RAI14: variants seen among roughly 807,000 people sequenced by gnomAD.
RAI14 encodes ankycorbin.
In RAI14, 45 loss-of-function variants were observed where a neutral mutation model predicts 115.4. That is an observed-to-expected ratio of 0.39 (90% CI 0.31 to 0.50). The LOEUF is 0.50. Ranked by LOEUF, RAI14 falls within the 20% of genes least tolerant of loss-of-function variation. The pLI is 0.85. For synonymous variants in RAI14, 371 were observed against 415.4 expected, an observed-to-expected ratio of 0.89 and a Z score of 1.30; for missense variants, 939 against 1,131.2, an observed-to-expected ratio of 0.83 and a Z score of 2.44.
intron 2 of RAI14, among the ~76,000 whole-genome samples, chr5:34,752,968 C>T (rs192875866): frequency 2.6e-5 from 4 of 151,792 alleles, no homozygotes; most frequent in Non-Finnish European, 5.9e-5. Context: ...GATACACATA[C>T]ATGTAATAAA....
intron 2 of RAI14, among the ~76,000 whole-genome samples, chr5:34,708,866 G>A (rs1741051909): frequency 6.6e-6 from 1 of 152,148 alleles, no homozygotes; most frequent in South Asian, 2.1e-4. Context: ...GAACTGGGCA[G>A]CCATGGTGGC....
At chr5:34,698,707 G>C (rs889256856) in intron 2 of RAI14, among the ~76,000 whole-genome samples, 5 of 152,208 alleles carry the variant, frequency 3.3e-5, no homozygotes, top group Non-Finnish European at 5.9e-5. Flanking sequence ...AGTGTGATGG[G>C]AGGTATGGGC....
rs568554827 is a variant in RAI14, at chr5:34,807,930, A to G, written c.379+73A>G. 14 of 1,156,378 alleles carry G rather than the reference A, an allele frequency of 1.2e-5. No homozygotes were observed. The South Asian group carries it at 1.2e-4, about 10-fold the overall frequency. 71.6% of individuals were successfully genotyped at this position (1,156,378 alleles called of 1,614,324 possible). On this transcript the variant is annotated intron_variant, in intron 6 of 17. Transcript: ENST00000265109. ...ACTTTTCTTTTTCCTTATTCAGGCC[A>G]TTAACCTTCCATACTATTCCTGGTG...
chr5:34,687,920 G>A (rs1364624636), intron 2 of RAI14: 6 of 921,972 alleles, frequency 6.5e-6, no homozygotes, highest in Non-Finnish European at 9.7e-6. Flanking sequence ...CTTATCTCCT[G>A]AGGCTGCATC....
chr5:34,774,930 A>G (rs1156244637), intron 3 of RAI14, among the ~76,000 whole-genome samples: 2 of 152,284 alleles, frequency 1.3e-5, no homozygotes, highest in South Asian at 2.1e-4. Flanking sequence ...ACACAGACCA[A>G]TAGAGCGGAA....
chr5:34,824,617 A>G, intron 15 of RAI14, 126 bp downstream of exon 15: 1 of 764,358 alleles, frequency 1.3e-6, no homozygotes, highest in Non-Finnish European at 2.0e-6. Flanking sequence ...CTGCACATGA[A>G]CTTTATCTGT....
At chr5:34,661,674 G>A (rs772483010) in intron 1 of RAI14, among the ~76,000 whole-genome samples, 3 of 151,912 alleles carry the variant, frequency 2.0e-5, no homozygotes, top group Admixed American at 6.6e-5. Flanking sequence ...TAAGTAACAC[G>A]GTGCTTGGAA....
At position 34,660,928 on chromosome 5, in the gene RAI14, G is replaced by A. The variant is rs150160648; in HGVS notation, c.-49+4453G>A. Among the ~76,000 whole-genome samples the A allele has an allele frequency of 9.9e-5, 15 of 152,130 alleles. No individual in the cohort carries two copies. In the East Asian group the frequency reaches 1.5e-3, roughly 16 times the overall value. ...TACCTGGAAAGCACTTCTCTTAGAC[G>A]TCTACATGGCTGTGTCATCCCTTCA... On this transcript the variant is annotated intron_variant, in intron 1 of 17. Coordinates refer to ENST00000265109, the MANE Select transcript of RAI14 (RefSeq NM_015577.3).
intron 2 of RAI14, among the ~76,000 whole-genome samples, chr5:34,697,300 G>A (rs980350040): frequency 1.3e-5 from 2 of 151,944 alleles, no homozygotes; most frequent in South Asian, 2.1e-4. Flanking sequence ...GCTGGGTGTG[G>A]TGGTACATAA....
chr5:34,690,761 A>G (rs942410785), intron 2 of RAI14, among the ~76,000 whole-genome samples: 1 of 107,782 alleles, frequency 9.3e-6, no homozygotes, highest in Non-Finnish European at 2.3e-5. Flanking sequence ...AAACAGCATT[A>G]TGGAATTTCT....
chr5:34,746,295 C>T (rs1333523864), intron 2 of RAI14, among the ~76,000 whole-genome samples: 4 of 151,162 alleles, frequency 2.6e-5, no homozygotes, highest in Non-Finnish European at 4.4e-5. Flanking sequence ...TTAGTAGAGA[C>T]GGGGTTTCAC....
chr5:34,772,847 A>G (rs1210555155), intron 3 of RAI14, among the ~76,000 whole-genome samples: 1 of 152,228 alleles, frequency 6.6e-6, no homozygotes, highest in Non-Finnish European at 1.5e-5. Flanking sequence ...AGTGCACTAC[A>G]AAACTCTTAT....
Position 34,795,994 on chromosome 5 carries a change from C to T in RAI14, c.223C>T (p.His75Tyr). 1 of 1,613,282 alleles carries T rather than the reference C, an allele frequency of 6.2e-7. No individual in the cohort carries two copies. The highest frequency in any genetic ancestry group is 8.5e-7 in the Non-Finnish European group (1 of 1,179,364). Reference sequence around the variant, plus strand: ...GGAATGCCTCAGGGTCATGATTACACATGGTGTGGATGTGACAGCCCAAGA... The same window carrying T: ...GGAATGCCTCAGGGTCATGATTACATATGGTGTGGATGTGACAGCCCAAGA... ...HVECLRVMIT[H>Y]GVDVTAQDTT... is the part of the protein sequence containing the mutation. The change falls in exon 4 of 18, where the codon CAT (histidine) becomes TAT (tyrosine). Residue 75 changes from histidine to tyrosine, a missense_variant. Physicochemically the swap from His to Tyr is moderately conservative, Grantham distance 83. Transcript: ENST00000265109.
At chr5:34,734,851 G>A (rs1744664316) in intron 2 of RAI14, among the ~76,000 whole-genome samples, 1 of 152,078 alleles carries the variant, frequency 6.6e-6, no homozygotes, top group Non-Finnish European at 1.5e-5. Context: ...AGAAGAGACA[G>A]CGTTTCACCA....
chr5:34,824,340 G>A lies in RAI14; in HGVS notation c.2498G>A (p.Arg833Lys), dbSNP rs1353859808. Residue 833 changes from arginine (R) to lysine (K), a missense_variant, in exon 15 of 18, where the codon AGA (arginine) becomes AAA (lysine). Arg to Lys is a conservative substitution (Grantham distance 26, BLOSUM62 2). Transcript: ENST00000265109. ...QIRSEVSQVK[R>K]EKENIQTLLK... Reference sequence around the variant, plus strand: ...AGAAGTGAGGTCTCACAGGTGAAAAGAGAAAAGGAAAATATTCAGACTCTC... The same window carrying A: ...AGAAGTGAGGTCTCACAGGTGAAAAAAGAAAAGGAAAATATTCAGACTCTC... 1 of 1,613,806 alleles carries A rather than the reference G, an allele frequency of 6.2e-7. No homozygotes were observed. Among genetic ancestry groups the A allele is most frequent in the African/African-American group, 1.3e-5 (1 of 74,906 alleles).
At position 34,695,006 on chromosome 5, in the gene RAI14, C is replaced by T. The variant is rs141699080; in HGVS notation, c.36+8051C>T. Among the ~76,000 whole-genome samples the T allele has an allele frequency of 4.9e-3, 744 of 152,202 alleles. 9 individuals carry two copies. Among genetic ancestry groups the T allele is most frequent in the African/African-American group, 0.016 (656 of 41,524 alleles). On this transcript the variant is annotated intron_variant, in intron 2 of 17. Transcript: ENST00000265109. Reference sequence around the variant, plus strand: ...CTCTGCCTCTGGAGTTCAAGTGATTCTCTTGCCTCAGCCTTCTGAGTAGCT... The same window carrying T: ...CTCTGCCTCTGGAGTTCAAGTGATTTTCTTGCCTCAGCCTTCTGAGTAGCT...
intron 4 of RAI14, among the ~76,000 whole-genome samples, chr5:34,803,353 G>A (rs2150233073): frequency 6.6e-6 from 1 of 152,296 alleles, no homozygotes; most frequent in Non-Finnish European, 1.5e-5. Context: ...TTCGAGATCA[G>A]CTTGCGCAAC....
intron 2 of RAI14, among the ~76,000 whole-genome samples, chr5:34,695,065 A>AT (rs1386636287): frequency 6.6e-6 from 1 of 151,916 alleles, no homozygotes; most frequent in East Asian, 1.9e-4. Flanking sequence ...TACCCGGCTG[A>AT]TTTTTTGTAT....
At chr5:34,771,127 G>C (rs1394440338) in intron 3 of RAI14, among the ~76,000 whole-genome samples, 4 of 152,156 alleles carry the variant, frequency 2.6e-5, no homozygotes, top group Non-Finnish European at 4.4e-5. Flanking sequence ...ATACCCTTGG[G>C]GCAGGGCAGT....
Sources: allele counts gnomAD v4.1 joint callset (sites outside exome capture counted in the v4.1 genomes callset), GRCh38; gene constraint gnomAD v4.1.1; transcripts MANE v1.5; gene names NCBI Gene and HGNC (gene_info 2026-07-23, HGNC 2026-07-21).